The following TJP2 variants were observed in gnomAD, a reference collection of about 807,000 sequenced individuals.
The protein encoded by TJP2 is tight junction protein 2.
Under a neutral mutation model 133.1 loss-of-function variants are expected in TJP2, and 91 were observed. The observed-to-expected ratio is 0.68, with a 90% CI of 0.58 to 0.81. The LOEUF is 0.81. TJP2 is among the 40% of genes least tolerant of loss of function. The pLI is 0.00. For missense variants in TJP2, 1,541 were observed against 1,565.6 expected (o/e 0.98, Z 0.26); for synonymous variants, 592 against 583.4 (o/e 1.01, Z -0.21).
intron 1 of TJP2, among the ~76,000 whole-genome samples, chr9:69,202,858 C>G (rs1361510725): frequency 1.3e-5 from 2 of 152,012 alleles, no homozygotes; most frequent in South Asian, 2.1e-4. Flanking sequence ...CAGTTCAAAC[C>G]TTGCTGTTCA....
chr9:69,249,235 G>T lies in TJP2; in HGVS notation c.2881-140G>T, dbSNP rs1831149991. 1.2e-5 allele frequency: 18 copies of T among 1,496,748 alleles called. No individual in the cohort carries two copies. In the South Asian group the frequency reaches 2.4e-4, roughly 20 times the overall value. 92.7% of individuals were successfully genotyped at this position (1,496,748 alleles called of 1,614,324 possible). The stretch of plus-strand genomic sequence containing the variant: ...TCTGAAGCATTTGGTGATGGTTTCT[G>T]CCTGTTCAGTAAAGAAGCACCGGCT... On this transcript the variant is annotated intron_variant, in intron 19 of 22. Coordinates refer to ENST00000377245, the MANE Select transcript of TJP2 (RefSeq NM_004817.4).
intron 1 of TJP2, among the ~76,000 whole-genome samples, chr9:69,138,469 C>CAAA (rs797015130): frequency 2.3e-5 from 2 of 88,264 alleles, no homozygotes; most frequent in African/African-American, 3.8e-5. Flanking sequence ...GAGAACTTTA[C>CAAA]AAAAAAAAAA....
Position 69,248,053 on chromosome 9 carries a change from C to A in TJP2, c.2709C>A (p.Tyr903Ter). 2 of 1,613,888 alleles carry A rather than the reference C, an allele frequency of 1.2e-6. No homozygotes were observed. Among genetic ancestry groups the A allele is most frequent in the Non-Finnish European group, 8.5e-7 (1 of 1,179,866 alleles). ...ATGACCCCGAAGACCGCATGTCCTA[C>A]TTAACCGCCATGGGCGCGGACTATC... ...MDDDPEDRMS[Y>*]LTAMGADYLS... Residue 903 changes from tyrosine to a stop codon, truncating the protein, a stop_gained, in exon 19 of 23, where the codon TAC becomes TAA. Transcript: ENST00000377245. LOFTEE classifies it high-confidence loss of function.
chr9:69,161,486 C>G (rs1473304997), intron 2 of TJP2, among the ~76,000 whole-genome samples: 1 of 152,084 alleles, frequency 6.6e-6, no homozygotes, highest in Non-Finnish European at 1.5e-5. Flanking sequence ...TTCAGCCTCC[C>G]AAAGTGCTGG....
intron 1 of TJP2, among the ~76,000 whole-genome samples, chr9:69,136,215 A>C (rs1587883526): frequency 6.6e-6 from 1 of 152,126 alleles, no homozygotes; most frequent in South Asian, 2.1e-4. Context: ...AACTGCTGAC[A>C]AAAAAATATG....
In TJP2 at chr9:69,251,233, G is replaced by T. The variant is rs199892018; in HGVS notation, c.3190G>T (p.Val1064Leu). The change falls in exon 21 of 23, where the codon GTG becomes TTG. Residue 1064 changes from valine to leucine, a missense_variant. Val to Leu is a conservative substitution (Grantham distance 32). Coordinates refer to ENST00000377245, the MANE Select transcript of TJP2 (RefSeq NM_004817.4). ...TPIPPQEGEE[V>L]GESSEEQDNA... is the part of the protein sequence containing the mutation. ...CATCCCTCCTCAAGAGGGTGAGGAG[G>T]TGGGAGAGAGCAGTGAGGAGCAAGA... 2.5e-4 allele frequency: 400 copies of T among 1,614,064 alleles called. No individual in the cohort carries two copies. Among genetic ancestry groups the T allele is most frequent in the Admixed American group, 2.0e-4 (12 of 60,002 alleles).
At chr9:69,148,360 C>T (rs114762151) in intron 1 of TJP2, among the ~76,000 whole-genome samples, 2,395 of 145,552 alleles carry the variant, frequency 0.016, 69 homozygotes, top group African/African-American at 0.058. Context: ...CTCATGCTTC[C>T]CCCTCTGTAA....
At chr9:69,143,717 T>A (rs927382085) in intron 1 of TJP2, among the ~76,000 whole-genome samples, 1 of 152,246 alleles carries the variant, frequency 6.6e-6, no homozygotes, top group Non-Finnish European at 1.5e-5. Context: ...GCTCTTGGTC[T>A]TTTGTTGTTT....
intron 1 of TJP2, among the ~76,000 whole-genome samples, chr9:69,125,464 G>T (rs1218532185): frequency 1.4e-5 from 1 of 72,224 alleles, no homozygotes; most frequent in African/African-American, 4.3e-5. Context: ...GCACCACAAT[G>T]CCCAGCTAAT....
rs1588127136 is a variant in TJP2 at position 69,234,438 on chromosome 9, G to A, written c.1672-1G>A. The stretch of plus-strand genomic sequence containing the variant: ...CTTTTTCTGTTTTTCCTTCCTAATA[G>A]GTGAACACACAGGATTTCAGAGGAT... On this transcript the variant is annotated splice_acceptor_variant, in intron 11 of 22. Coordinates refer to ENST00000377245, the MANE Select transcript of TJP2 (RefSeq NM_004817.4). LOFTEE classifies it high-confidence loss of function. The A allele has an allele frequency of 6.7e-7, 1 of 1,482,368 alleles. No individual in the cohort carries two copies. Among genetic ancestry groups the A allele is most frequent in the Non-Finnish European group, 9.3e-7 (1 of 1,076,080 alleles). 91.8% of individuals were successfully genotyped at this position (1,482,368 alleles called of 1,614,324 possible).
chr9:69,238,385 C>T (rs45534236), intron 15 of TJP2, among the ~76,000 whole-genome samples: 1 of 152,096 alleles, frequency 6.6e-6, no homozygotes, highest in East Asian at 1.9e-4. Context: ...AGAATACAAC[C>T]AAGGACCATT....
chr9:69,135,629 C>T (rs1469602985), intron 1 of TJP2, among the ~76,000 whole-genome samples: 11 of 150,126 alleles, frequency 7.3e-5, no homozygotes, highest in South Asian at 4.2e-4. Context: ...TCTTTTGAGA[C>T]GGAGTTTTAC....
chr9:69,240,006 A>T lies in TJP2; in HGVS notation c.2425A>T (p.Ile809Phe). Residue 809 changes from isoleucine (I) to phenylalanine (F), a missense_variant, in exon 17 of 23, where the codon ATT (isoleucine) becomes TTT (phenylalanine). By Grantham distance (21) the Ile-to-Phe change is conservative. Coordinates refer to ENST00000377245, the MANE Select transcript of TJP2 (RefSeq NM_004817.4). ...DLLNYTQWFP[I>F]VIFFNPDSRQ... Reference sequence around the variant, plus strand: ...GTTGAATTACACCCAGTGGTTCCCAATTGTGATTTTTTTCAACCCAGACTC... The same window carrying T: ...GTTGAATTACACCCAGTGGTTCCCATTTGTGATTTTTTTCAACCCAGACTC... 6.2e-7 allele frequency: 1 copy of T among 1,614,164 alleles called. No individual in the cohort carries two copies. Among genetic ancestry groups the T allele is most frequent in the African/African-American group, 1.3e-5 (1 of 75,032 alleles).
chr9:69,164,476 G>T (rs1278206417), intron 2 of TJP2, among the ~76,000 whole-genome samples: 1 of 152,074 alleles, frequency 6.6e-6, no homozygotes, highest in Non-Finnish European at 1.5e-5. Flanking sequence ...TTTTCTTAAA[G>T]TATTTTGGGG....
intron 1 of TJP2, among the ~76,000 whole-genome samples, chr9:69,128,664 A>G (rs1258914496): frequency 6.6e-6 from 1 of 151,850 alleles, no homozygotes; most frequent in Non-Finnish European, 1.5e-5. Context: ...CTGGGACTAC[A>G]GGCGCCCAAC....
At chr9:69,243,754 A>T (rs1319886841) in intron 17 of TJP2, among the ~76,000 whole-genome samples, 1 of 152,226 alleles carries the variant, frequency 6.6e-6, no homozygotes, top group Non-Finnish European at 1.5e-5. Flanking sequence ...GAGAAGGAAG[A>T]TGCTGGGCCC....
chr9:69,152,731 C>G (rs940385362), intron 2 of TJP2, among the ~76,000 whole-genome samples: 3 of 147,508 alleles, frequency 2.0e-5, no homozygotes, highest in Non-Finnish European at 3.0e-5. Flanking sequence ...CAAATGAGGA[C>G]ATTCAAGTGG....
At chr9:69,129,647 T>C (rs1822400961) in intron 1 of TJP2, among the ~76,000 whole-genome samples, 1 of 151,590 alleles carries the variant, frequency 6.6e-6, no homozygotes, top group Admixed American at 6.6e-5. Flanking sequence ...AAAAGAAGAG[T>C]AGACTAAGGC....
chr9:69,181,167 A>G (rs1284695292), intron 1 of TJP2, among the ~76,000 whole-genome samples: 2 of 151,412 alleles, frequency 1.3e-5, no homozygotes, highest in Admixed American at 1.3e-4. Flanking sequence ...TTGTAATGGC[A>G]TGGAAGCAGC....
Sources: gnomAD v4.1 joint callset for allele counts (sites outside exome capture counted in the v4.1 genomes callset) on GRCh38, gnomAD v4.1.1 for gene constraint, MANE v1.5 for transcripts, NCBI Gene and HGNC (gene_info 2026-07-23, HGNC 2026-07-21) for gene names.